Variants in TBC1D8 observed in about 807,000 individuals in gnomAD.
TBC1D8 encodes TBC1 domain family member 8, also known as BUB2-like protein 1.
TBC1D8 carries 65 observed loss-of-function variants against 118.8 expected under a neutral mutation model. The ratio of observed to expected loss-of-function variants is 0.55; its 90% confidence interval spans 0.45 to 0.67. The LOEUF is 0.67. Ranked by LOEUF, TBC1D8 falls within the 30% of genes least tolerant of loss-of-function variation. The pLI, the probability that TBC1D8 is intolerant of heterozygous loss-of-function variation, is 0.00. For synonymous variants in TBC1D8, 566 were observed against 595.8 expected (o/e 0.95, Z 0.73); for missense variants, 1,376 against 1,471.2 (o/e 0.94, Z 1.06).
At chr2:101,081,197 A>G (rs949393390) in intron 2 of TBC1D8, among the ~76,000 whole-genome samples, 1 of 152,216 alleles carries the variant, frequency 6.6e-6, no homozygotes, top group Non-Finnish European at 1.5e-5. Flanking sequence ...ACTATTAAGT[A>G]AGCTTTTTCA....
At chr2:101,113,859 C>T (rs1281183369) in intron 1 of TBC1D8, among the ~76,000 whole-genome samples, 2 of 152,202 alleles carry the variant, frequency 1.3e-5, no homozygotes, top group African/African-American at 4.8e-5. Flanking sequence ...AAGAGCTCCC[C>T]AGGGAGCCTG....
At chr2:101,115,113 A>C (rs1283100364) in intron 1 of TBC1D8, among the ~76,000 whole-genome samples, 1 of 152,202 alleles carries the variant, frequency 6.6e-6, no homozygotes, top group African/African-American at 2.4e-5. Context: ...AAAGGGAGTA[A>C]GGATAAAATG....
intron 5 of TBC1D8, among the ~76,000 whole-genome samples, chr2:101,049,946 C>T (rs1276759900): frequency 6.6e-6 from 1 of 151,564 alleles, no homozygotes; most frequent in Non-Finnish European, 1.5e-5. Context: ...CCTGCCTCAG[C>T]CTCCTGAGTA....
intron 1 of TBC1D8, among the ~76,000 whole-genome samples, chr2:101,148,237 C>T (rs1410028387): frequency 6.6e-6 from 1 of 152,166 alleles, no homozygotes; most frequent in African/African-American, 2.4e-5. Flanking sequence ...TGAGAAGAGA[C>T]AGGGGTTGTT....
intron 1 of TBC1D8, among the ~76,000 whole-genome samples, chr2:101,143,671 C>T (rs1202715038): frequency 6.6e-6 from 1 of 152,020 alleles, no homozygotes; most frequent in African/African-American, 2.4e-5. Flanking sequence ...GTGATTCTTT[C>T]ACCTCAGCCT....
At chr2:101,018,937 T>A in intron 17 of TBC1D8, 2 of 1,585,822 alleles carry the variant, frequency 1.3e-6, no homozygotes, top group Non-Finnish European at 1.7e-6. Context: ...TCTTCTGGAA[T>A]GCTCTTCGTC....
chr2:101,104,169 T>C (rs1039004186), intron 1 of TBC1D8, among the ~76,000 whole-genome samples: 1 of 152,172 alleles, frequency 6.6e-6, no homozygotes, highest in African/African-American at 2.4e-5. Flanking sequence ...TAAATATGCA[T>C]AGGGTTTATT....
At chr2:101,125,480 T>G (rs1436875454) in intron 1 of TBC1D8, among the ~76,000 whole-genome samples, 1 of 152,188 alleles carries the variant, frequency 6.6e-6, no homozygotes, top group Non-Finnish European at 1.5e-5. Flanking sequence ...CACAGTATAG[T>G]GTAATCTATT....
At chr2:101,125,584 T>G (rs943174132) in intron 1 of TBC1D8, among the ~76,000 whole-genome samples, 1 of 152,204 alleles carries the variant, frequency 6.6e-6, no homozygotes, top group East Asian at 1.9e-4. Context: ...TCTGAAAAAC[T>G]AAGCCACAAA....
At chr2:101,011,309 T>C in intron 18 of TBC1D8, 142 bp downstream of exon 18, 1 of 905,982 alleles carries the variant, frequency 1.1e-6, no homozygotes, top group Non-Finnish European at 1.7e-6. Flanking sequence ...TTCTGTCCTC[T>C]AAAGGCAGTG....
intron 5 of TBC1D8, 116 bp downstream of exon 5, chr2:101,050,285 A>G: frequency 6.9e-7 from 1 of 1,444,650 alleles, no homozygotes; most frequent in Non-Finnish European, 9.2e-7. Context: ...TTATGCCACA[A>G]GGGAAATTTA....
chr2:101,150,247 A>C (rs1170530284), intron 1 of TBC1D8, among the ~76,000 whole-genome samples: 1 of 152,100 alleles, frequency 6.6e-6, no homozygotes, highest in Non-Finnish European at 1.5e-5. Flanking sequence ...AGGTCCTTTG[A>C]CCTCTCTCTG....
At chr2:101,089,189 T>C (rs566290004) in intron 2 of TBC1D8, among the ~76,000 whole-genome samples, 5 of 152,252 alleles carry the variant, frequency 3.3e-5, no homozygotes, top group Non-Finnish European at 7.4e-5. Flanking sequence ...TCCATCTCAA[T>C]AAAATAAAAT....
At chr2:101,068,905 C>T (rs1286750095) in intron 2 of TBC1D8, among the ~76,000 whole-genome samples, 1 of 151,460 alleles carries the variant, frequency 6.6e-6, no homozygotes, top group Non-Finnish European at 1.5e-5. Context: ...GAGGCTGAGG[C>T]TCAAGAATCG....
chr2:101,127,350 A>G (rs907281578), intron 1 of TBC1D8, among the ~76,000 whole-genome samples: 13 of 151,190 alleles, frequency 8.6e-5, no homozygotes, highest in East Asian at 3.9e-4. Flanking sequence ...AAAAAAAAAA[A>G]AGAGAAAGAA....
At position 101,027,447 on chromosome 2, in the gene TBC1D8, C is replaced by T. The variant is rs547445086; in HGVS notation, c.2456G>A (p.Arg819Gln). 1.1e-5 allele frequency: 18 copies of T among 1,612,854 alleles called. No homozygotes were observed. In the Admixed American group the frequency reaches 1.5e-4, roughly 13 times the overall value. The stretch of plus-strand genomic sequence containing the variant: ...AATTGAGACTTCCGGGATAACGACT[C>T]GAAGCTTGAGGAAAGAATAAACAGC... ...HEDTTKQNVL[R>Q]VVIPEVSILP... The change falls in exon 15 of 20, where the codon CGA becomes CAA. Residue 819 changes from arginine to glutamine, a missense_variant. By Grantham distance (43) the Arg-to-Gln change is conservative. Transcript: ENST00000409318.
At chr2:101,060,689 A>G (rs1028895714) in intron 2 of TBC1D8, among the ~76,000 whole-genome samples, 10 of 152,226 alleles carry the variant, frequency 6.6e-5, no homozygotes, top group Non-Finnish European at 1.3e-4. Context: ...CACACAGCAG[A>G]TGCTCAGTAA....
chr2:101,042,024 C>CAA (rs112887943), intron 5 of TBC1D8, among the ~76,000 whole-genome samples: 1 of 138,042 alleles, frequency 7.2e-6, no homozygotes. Context: ...GACCCTGACT[C>CAA]AAAAAAAAAA....
At chr2:101,010,849 T>G (rs1573852128) in intron 19 of TBC1D8, 80 bp downstream of exon 19, 1 of 1,252,978 alleles carries the variant, frequency 8.0e-7, no homozygotes, top group Non-Finnish European at 1.1e-6. Flanking sequence ...GCCACTGTAC[T>G]CCAGCCTGGG....
Sources: allele counts gnomAD v4.1 joint callset (sites outside exome capture counted in the v4.1 genomes callset), GRCh38; gene constraint gnomAD v4.1.1; transcripts MANE v1.5; gene names NCBI Gene and HGNC (gene_info 2026-07-23, HGNC 2026-07-21).